ITGAM: variants seen among roughly 807,000 people sequenced by gnomAD.
The protein encoded by ITGAM is integrin alpha-M.
ITGAM carries 79 observed loss-of-function variants against 137.5 expected under a neutral mutation model. The observed-to-expected ratio is 0.57, with a 90% confidence interval of 0.48 to 0.69. The LOEUF (loss-of-function observed/expected upper bound fraction) is 0.69. Among genes scored for constraint, ITGAM ranks in the 30% least tolerant of loss-of-function variants. The pLI is 0.00. For synonymous variants in ITGAM, 583 were observed against 592.3 expected (o/e 0.98, Z 0.23); for missense variants, 1,343 against 1,483.5 (o/e 0.91, Z 1.56).
chr16:31,262,278 C>G (rs2079708871), intron 2 of ITGAM, among the ~76,000 whole-genome samples: 1 of 150,230 alleles, frequency 6.7e-6, no homozygotes, highest in Non-Finnish European at 1.5e-5. Flanking sequence ...TTCCTTCCTT[C>G]CTCCCTCTCT....
chr16:31,330,234 C>A, intron 26 of ITGAM, 70 bp downstream of exon 26: 1 of 1,591,168 alleles, frequency 6.3e-7, no homozygotes, highest in South Asian at 1.1e-5. Context: ...CCTGTATGGT[C>A]TCTGAGCAAA....
At position 31,263,572 on chromosome 16, in the gene ITGAM, T is replaced by C. The variant is rs140650693; in HGVS notation, c.134+1775T>C. Among the ~76,000 whole-genome samples, 944 of 152,126 alleles carry C rather than the reference T, an allele frequency of 6.2e-3. 7 individuals are homozygous for C. Among genetic ancestry groups the C allele is most frequent in the African/African-American group, 0.021 (889 of 41,540 alleles). ...TGCAGATCGAGTAGGTGAGAAGTGG[T>C]ATCTTAATTTAGCTTTAAATTGCTT... On this transcript the variant is annotated intron_variant, in intron 2 of 29. Coordinates refer to ENST00000544665, the MANE Select transcript of ITGAM (RefSeq NM_000632.4).
intron 23 of ITGAM, 125 bp downstream of exon 23, chr16:31,328,355 T>C: frequency 1.3e-6 from 1 of 771,692 alleles, no homozygotes; most frequent in Non-Finnish European, 2.3e-6. Context: ...TGTGCATGTA[T>C]GTGTGCATGG....
At position 31,331,443 on chromosome 16, in the gene ITGAM, G is replaced by C. The variant is rs141805721; in HGVS notation, c.3387+168G>C. 9.5e-3 allele frequency: 6,356 copies of C among 671,236 alleles called. 60 individuals carry two copies. Among genetic ancestry groups the C allele is most frequent in the Non-Finnish European group, 0.012 (4,658 of 385,238 alleles). The allele number at this position is 671,236 out of a possible 1,614,324, so 41.6% of individuals were successfully genotyped here. A position where few individuals can be genotyped will look rare whatever the true frequency, so the allele number is the denominator to read the frequency against. ...GAGGGTGGCCGGGTTCATGCGCGGG[G>C]CGCGCTGAGAACGAGTCGCCCTCCT... On this transcript the variant is annotated intron_variant, in intron 29 of 29. Transcript: ENST00000544665.
chr16:31,301,804 T>G (rs2080199930), intron 14 of ITGAM, among the ~76,000 whole-genome samples: 1 of 152,202 alleles, frequency 6.6e-6, no homozygotes. Flanking sequence ...ATGAAGAGCT[T>G]TATTATAATT....
rs749239504 is a variant in ITGAM, at chr16:31,330,378, A to G, written c.3131A>G (p.Asn1044Ser). 2.5e-6 allele frequency: 4 copies of G among 1,613,988 alleles called. No individual in the cohort carries two copies. Among genetic ancestry groups the G allele is most frequent in the Admixed American group, 1.7e-5 (1 of 60,028 alleles). The change falls in exon 27 of 30, where the codon AAT (asparagine) becomes AGT (serine). Residue 1044 changes from asparagine (N) to serine (S), a missense_variant. Asn to Ser is a conservative substitution (Grantham distance 46). Coordinates refer to ENST00000544665, the MANE Select transcript of ITGAM (RefSeq NM_000632.4). ...IPFFGIQEEF[N>S]ATLKGNLSFD... ...TTCTTTGGCATCCAGGAAGAATTCAATGCTACCCTCAAAGGCAACCTCTCG... is the reference window on the plus strand; with the variant it reads ...TTCTTTGGCATCCAGGAAGAATTCAGTGCTACCCTCAAAGGCAACCTCTCG...
Position 31,329,893 on chromosome 16 carries a change from C to T in ITGAM, c.2964C>T (p.Val988=). 6.4e-7 allele frequency: 1 copy of T among 1,561,002 alleles called. No individual in the cohort carries two copies. The highest frequency in any genetic ancestry group is 1.2e-5 in the South Asian group (1 of 84,750). ...NQTVIWDRPQ[V]TFSENLSSTC... ...CTGTCATATGGGACCGCCCCCAGGT[C>T]ACCTTCTCCGAGGTGAGCGGAGCTC... Residue 988 remains valine, a synonymous_variant, in exon 25 of 30, where the codon GTC becomes GTT. Transcript: ENST00000544665.
At chr16:31,307,918 G>A (rs928914965) in intron 14 of ITGAM, among the ~76,000 whole-genome samples, 2 of 152,094 alleles carry the variant, frequency 1.3e-5, no homozygotes, top group African/African-American at 4.8e-5. Context: ...TGCGGTTTTC[G>A]TCTTTGGTTC....
At position 31,321,496 on chromosome 16, in the gene ITGAM, T is replaced by C. The variant is rs754636547; in HGVS notation, c.1871T>C (p.Met624Thr). The C allele has an allele frequency of 2.4e-5, 38 of 1,613,884 alleles. No homozygotes were observed. The highest frequency in any genetic ancestry group is 3.1e-5 in the Non-Finnish European group (36 of 1,179,886). ...SQPVLRVKAI[M>T]EFNPREVARN... ...CCAGTACTGAGAGTCAAGGCAATCATGGAGTTCAATCCCAGGGAAGTGGCA... is the reference window on the plus strand; with the variant it reads ...CCAGTACTGAGAGTCAAGGCAATCACGGAGTTCAATCCCAGGGAAGTGGCA... Residue 624 changes from methionine to threonine, a missense_variant, in exon 16 of 30, where the codon ATG (methionine) becomes ACG (threonine). Met to Thr is a moderately conservative substitution (Grantham distance 81). Transcript: ENST00000544665.
At chr16:31,273,867 G>A (rs2079878356) in intron 8 of ITGAM, among the ~76,000 whole-genome samples, 1 of 152,186 alleles carries the variant, frequency 6.6e-6, no homozygotes. Flanking sequence ...GGACCAGATG[G>A]CCTTGGGTGG....
At chr16:31,317,315 C>T (rs1471205721) in intron 14 of ITGAM, among the ~76,000 whole-genome samples, 2 of 152,016 alleles carry the variant, frequency 1.3e-5, no homozygotes, top group East Asian at 1.9e-4. Context: ...GTGGCTATTC[C>T]TGTGGCCTGA....
chr16:31,309,898 T>C (rs1408269415), intron 14 of ITGAM, among the ~76,000 whole-genome samples: 1 of 152,138 alleles, frequency 6.6e-6, no homozygotes, highest in Non-Finnish European at 1.5e-5. Context: ...ATTTTATTTC[T>C]TCTTCACTTA....
intron 14 of ITGAM, among the ~76,000 whole-genome samples, chr16:31,300,459 G>T (rs2080186635): frequency 6.6e-6 from 1 of 152,170 alleles, no homozygotes; most frequent in Non-Finnish European, 1.5e-5. Flanking sequence ...TGTTTTTTTG[G>T]CAATAGCCAG....
intron 8 of ITGAM, 54 bp downstream of exon 8, chr16:31,273,572 C>A: frequency 6.4e-7 from 1 of 1,555,766 alleles, no homozygotes; most frequent in Non-Finnish European, 8.8e-7. Flanking sequence ...CTATGTGGAT[C>A]CATCCTCCCT....
intron 23 of ITGAM, among the ~76,000 whole-genome samples, chr16:31,328,669 A>G (rs1377007267): frequency 7.6e-6 from 1 of 130,834 alleles, no homozygotes; most frequent in Non-Finnish European, 1.6e-5. Context: ...ATATATGTGC[A>G]TTGTGTGCAT....
At chr16:31,329,073 T>TGCCCCCCC in intron 23 of ITGAM, 155 bp from the exon 24 acceptor site, 61 of 426,236 alleles carry the variant, frequency 1.4e-4, no homozygotes, top group Middle Eastern at 6.2e-4. Context: ...ACACATTGGT[T>TGCCCCCCC]CCCCCATCCC....
chr16:31,329,952 T>G, intron 25 of ITGAM, 47 bp downstream of exon 25: 1 of 1,535,264 alleles, frequency 6.5e-7, no homozygotes, highest in Non-Finnish European at 8.8e-7. Context: ...CGCGTTCCTC[T>G]CACCTCTGTT....
chr16:31,293,255 G>T (rs750126743), intron 12 of ITGAM, among the ~76,000 whole-genome samples: 4 of 151,716 alleles, frequency 2.6e-5, no homozygotes, highest in Admixed American at 1.3e-4. Context: ...TTAATTAGAT[G>T]CCATTTGTCA....
chr16:31,297,677 C>T, intron 13 of ITGAM, 23 bp downstream of exon 13: 1 of 1,608,532 alleles, frequency 6.2e-7, no homozygotes, highest in Non-Finnish European at 8.5e-7. Flanking sequence ...GGGACCTGGG[C>T]TGGGTGGGGC....
Sources: allele counts gnomAD v4.1 joint callset (sites outside exome capture counted in the v4.1 genomes callset), GRCh38; gene constraint gnomAD v4.1.1; transcripts MANE v1.5; gene names NCBI Gene and HGNC (gene_info 2026-07-23, HGNC 2026-07-21).